The following CFAP74 variants were observed in gnomAD, a reference collection of about 807,000 sequenced individuals.
The protein encoded by CFAP74 is cilia and flagella associated protein 74, also known as cilia- and flagella-associated protein 74.
A neutral mutation model predicts 188.9 loss-of-function variants in CFAP74; 124 were observed. The ratio of observed to expected loss-of-function variants is 0.66; its 90% CI spans 0.57 to 0.76. The LOEUF (loss-of-function observed/expected upper bound fraction) is 0.76, where lower values mean the gene tolerates loss of function less well. Among genes scored for constraint, CFAP74 ranks in the 30% least tolerant of loss-of-function variants. CFAP74 has a pLI of 0.00. For synonymous variants in CFAP74, 956 were observed against 916.7 expected, an observed-to-expected ratio of 1.04 and a Z score of -0.77; for missense variants, 2,198 against 2,165.2, an observed-to-expected ratio of 1.02 and a Z score of -0.30.
At chr1:1,928,171 G>T (rs1421352185) in intron 27 of CFAP74, among the ~76,000 whole-genome samples, 1 of 144,970 alleles carries the variant, frequency 6.9e-6, no homozygotes, top group Non-Finnish European at 1.5e-5. Flanking sequence ...AGCCAGGCCG[G>T]GAAGGGCAAA....
rs930870993 is a variant in CFAP74 at position 1,960,155 on chromosome 1, C to A, written c.1695-125G>T. The A allele has an allele frequency of 3.9e-6, 3 of 775,418 alleles. No homozygotes were observed. In the African/African-American group the frequency reaches 5.6e-5, roughly 14 times the overall value. The allele number at this position is 775,418 out of a possible 1,614,324, so 48.0% of individuals were successfully genotyped here. On this transcript the variant is annotated intron_variant, in intron 14 of 38. Transcript: ENST00000682832. ...TCCCCATCCCGGGCCTGGCCCCCTGCCCAGCCGCCTTCACCCCGGGGAGTG... is the reference window on the plus strand; with the variant it reads ...TCCCCATCCCGGGCCTGGCCCCCTGACCAGCCGCCTTCACCCCGGGGAGTG...
intron 1 of CFAP74, among the ~76,000 whole-genome samples, chr1:1,993,887 C>T (rs2377036): frequency 2.0e-5 from 3 of 149,904 alleles, no homozygotes; most frequent in African/African-American, 4.9e-5. Flanking sequence ...GAGGCTGAGG[C>T]AGGAGAATGG....
In CFAP74 at chr1:1,935,174, C is replaced by T. The variant is rs35531706; in HGVS notation, c.3011+3681G>A. On this transcript the variant is annotated intron_variant, in intron 25 of 38. Transcript: ENST00000682832. ...TAGGTTGTAGGTACACACGTGTGTA[C>T]GTGGGTGTTAGGTTGTGGGTACACA... Among the ~76,000 whole-genome samples the T allele has an allele frequency of 2.0e-4, 12 of 59,918 alleles. 3 individuals carry two copies. Among genetic ancestry groups the T allele is most frequent in the East Asian group, 1.5e-3 (2 of 1,372 alleles). The allele number at this position is 59,918 out of a possible 152,430, so 39.3% of individuals were successfully genotyped here.
At chr1:1,928,950 A>G in intron 26 of CFAP74, 68 bp from the exon 27 acceptor site, 1 of 1,096,686 alleles carries the variant, frequency 9.1e-7, no homozygotes. Context: ...CCCTGCGGGC[A>G]CTCTACCGTC....
intron 13 of CFAP74, among the ~76,000 whole-genome samples, chr1:1,964,113 G>C (rs1374594862): frequency 1.3e-5 from 2 of 152,224 alleles, no homozygotes; most frequent in Admixed American, 6.5e-5. Context: ...GGCCTTGCTG[G>C]GGCCCGCAGG....
At chr1:1,940,608 C>A (rs893696450) in intron 22 of CFAP74, among the ~76,000 whole-genome samples, 1 of 152,162 alleles carries the variant, frequency 6.6e-6, no homozygotes, top group Non-Finnish European at 1.5e-5. Flanking sequence ...AGGGCTCTGG[C>A]GTGTCTAAGT....
At chr1:1,924,053 C>T in intron 34 of CFAP74, 124 bp from the exon 35 acceptor site, 3 of 915,192 alleles carry the variant, frequency 3.3e-6, no homozygotes, top group South Asian at 3.5e-5. Flanking sequence ...CCTGCCCGGT[C>T]CCCCCAATGG....
intron 26 of CFAP74, 110 bp from the exon 27 acceptor site, chr1:1,928,992 C>T (rs993461680): frequency 3.0e-6 from 2 of 671,738 alleles, no homozygotes; most frequent in Non-Finnish European, 2.5e-6. Context: ...AAGGTCACCT[C>T]CCCCTTGAGA....
At position 1,986,964 on chromosome 1, in the gene CFAP74, A is replaced by T; in HGVS notation, c.368T>A (p.Ile123Asn). 1 of 1,601,506 alleles carries T rather than the reference A, an allele frequency of 6.2e-7. No homozygotes were observed. The highest frequency in any genetic ancestry group is 8.5e-7 in the Non-Finnish European group (1 of 1,179,612). The change falls in exon 5 of 39, where the codon ATC becomes AAC. Residue 123 changes from isoleucine (I) to asparagine (N), a missense_variant. By Grantham distance (149) the Ile-to-Asn change is moderately radical (BLOSUM62 -3). Coordinates refer to ENST00000682832, the MANE Select transcript of CFAP74 (RefSeq NM_001304360.2). ...GTTGCCCGCCTCTTCCTCTGTGGCGATCTCGGCTGCCACAGCCTCCTGCTG... is the reference window on the plus strand; with the variant it reads ...GTTGCCCGCCTCTTCCTCTGTGGCGTTCTCGGCTGCCACAGCCTCCTGCTG... ...DKQQEAVAAEIATEEEAGNMA... is the reference protein window; with the variant it reads ...DKQQEAVAAENATEEEAGNMA...
At chr1:1,999,238 A>G (rs931043101) in intron 1 of CFAP74, among the ~76,000 whole-genome samples, 12 of 152,224 alleles carry the variant, frequency 7.9e-5, no homozygotes, top group Admixed American at 2.6e-4. Context: ...CAGATCAGAG[A>G]GGCCAGAAAC....
Position 1,963,815 on chromosome 1 carries a change from G to A in CFAP74, c.1628C>T (p.Thr543Ile). 3 of 1,613,982 alleles carry A rather than the reference G, an allele frequency of 1.9e-6. No homozygotes were observed. Among genetic ancestry groups the A allele is most frequent in the Non-Finnish European group, 1.7e-6 (2 of 1,179,964 alleles). The change falls in exon 14 of 39, where the codon ACC becomes ATC. Residue 543 changes from threonine to isoleucine, a missense_variant. Coordinates refer to ENST00000682832, the MANE Select transcript of CFAP74 (RefSeq NM_001304360.2). ...CAGCTTGCAGTAGTTGATCGTGTAG[G>A]TGGTGTTTACCAACGTGATCTTTTT... Reference protein sequence around the residue: ...YKKKITLVNTTYTINYCKLVG... With the variant: ...YKKKITLVNTIYTINYCKLVG...
chr1:2,001,958 G>C (rs1053763896), intron 1 of CFAP74, among the ~76,000 whole-genome samples: 1 of 152,214 alleles, frequency 6.6e-6, no homozygotes, highest in Admixed American at 6.5e-5. Context: ...GGAATAAAGA[G>C]GTATGTGAGA....
intron 25 of CFAP74, among the ~76,000 whole-genome samples, chr1:1,938,003 CACAT>C (rs1258112792): frequency 8.5e-5 from 13 of 152,202 alleles, no homozygotes; most frequent in South Asian, 2.1e-4. Context: ...CAAGCACTCA[CACAT>C]ACAAGCACTC....
At position 1,932,600 on chromosome 1, in the gene CFAP74, C is replaced by CT. The variant is rs904715734; in HGVS notation, c.3012-2265dup. The stretch of plus-strand genomic sequence containing the variant: ...AGTCAATTTTTTTCTTTCTTTTTTT[C>CT]TTTTTTTTTTTGAGACAGAATCTCG... On this transcript the variant is annotated intron_variant, in intron 25 of 38. Coordinates refer to ENST00000682832, the MANE Select transcript of CFAP74 (RefSeq NM_001304360.2). Among the ~76,000 whole-genome samples, 258 of 142,194 alleles carry CT rather than the reference C, an allele frequency of 1.8e-3. 1 individual carries two copies. Among genetic ancestry groups the CT allele is most frequent in the African/African-American group, 2.3e-3 (91 of 38,934 alleles). 93.3% of individuals were successfully genotyped at this position (142,194 alleles called of 152,430 possible).
intron 1 of CFAP74, among the ~76,000 whole-genome samples, chr1:1,994,282 G>A (rs6691182): frequency 0.35 from 52,708 of 151,914 alleles, 10,528 homozygotes; most frequent in African/African-American, 0.55. Context: ...GAGTAATTCC[G>A]GGTGAAATGT....
chr1:1,954,907 G>GCC (rs76908344), intron 18 of CFAP74: 390,564 of 1,154,622 alleles, frequency 0.34, 71,336 homozygotes, highest in African/African-American at 0.56. Context: ...AGTGCAGAAC[G>GCC]GCCTTCGCAA....
chr1:1,962,309 CTACTAAAA>C (rs1655144779), intron 14 of CFAP74, among the ~76,000 whole-genome samples: 1 of 151,910 alleles, frequency 6.6e-6, no homozygotes, highest in South Asian at 2.1e-4. Flanking sequence ...AACCCCGTCT[CTACTAAAA>C]TACAAAAAAT....
intron 27 of CFAP74, 26 bp from the exon 28 acceptor site, chr1:1,927,772 G>A: frequency 6.5e-7 from 1 of 1,544,996 alleles, no homozygotes; most frequent in Non-Finnish European, 8.7e-7. Flanking sequence ...CTGGCTGTGG[G>A]GCTGTGCAGG....
chr1:1,929,075 C>T (rs544001136), intron 26 of CFAP74, among the ~76,000 whole-genome samples, 193 bp from the exon 27 acceptor site: 11 of 152,044 alleles, frequency 7.2e-5, no homozygotes, highest in South Asian at 6.2e-4. Flanking sequence ...GGGCTGCAGG[C>T]GGGAGCACCA....
Sources: allele counts gnomAD v4.1 joint callset (sites outside exome capture counted in the v4.1 genomes callset), GRCh38; gene constraint gnomAD v4.1.1; transcripts MANE v1.5; gene names NCBI Gene and HGNC (gene_info 2026-07-23, HGNC 2026-07-21).